TMC1: variants seen among roughly 807,000 people sequenced by gnomAD.
The protein encoded by TMC1 is transmembrane channel like 1, also known as transmembrane channel-like protein 1.
A neutral mutation model predicts 105.8 loss-of-function variants in TMC1; 84 were observed. The ratio of observed to expected loss-of-function variants is 0.79; its 90% confidence interval spans 0.67 to 0.95. The LOEUF is 0.95. TMC1 is among the 40% of genes least tolerant of loss of function. The pLI is 0.00. For synonymous variants in TMC1, 315 were observed against 311.5 expected (o/e 1.01, Z -0.12); for missense variants, 817 against 914.1 (o/e 0.89, Z 1.37).
intron 19 of TMC1, chr9:72,817,415 G>A (rs1287718252): frequency 6.6e-6 from 1 of 152,084 alleles, no homozygotes; most frequent in Non-Finnish European, 1.5e-5. Context: ...AGTCAAGGTG[G>A]CCCGAGGAAC....
intron 1 of TMC1, among the ~76,000 whole-genome samples, chr9:72,556,807 C>T (rs1823949009): frequency 6.6e-6 from 1 of 151,598 alleles, no homozygotes; most frequent in South Asian, 2.1e-4. Context: ...GGAGATAGAG[C>T]GAGACTCTGT....
chr9:72,799,845 A>G (rs1308918232), intron 17 of TMC1, among the ~76,000 whole-genome samples: 2 of 152,148 alleles, frequency 1.3e-5, no homozygotes, highest in Non-Finnish European at 2.9e-5. Context: ...TCAGCTTGAA[A>G]GAATTATTGT....
chr9:72,567,754 A>C (rs1824190869), intron 1 of TMC1, among the ~76,000 whole-genome samples: 1 of 152,176 alleles, frequency 6.6e-6, no homozygotes, highest in African/African-American at 2.4e-5. Context: ...ACAGAGCCAA[A>C]CCATATTAAG....
Position 72,716,833 on chromosome 9 carries a change from G to A in TMC1, c.362+16190G>A, listed in dbSNP as rs530926953. ...TATGAAAAAACAACTCCTGCGGCTA[G>A]CTCTGTGTCTGCCCAAACGGCAGCC... On this transcript the variant is annotated intron_variant, in intron 8 of 23. Transcript: ENST00000297784. Among the ~76,000 whole-genome samples the A allele has an allele frequency of 3.3e-5, 5 of 152,288 alleles. No individual in the cohort carries two copies. The South Asian group carries it at 8.3e-4, about 25-fold the overall frequency.
intron 1 of TMC1, among the ~76,000 whole-genome samples, chr9:72,524,203 A>G (rs1357566399): frequency 6.6e-6 from 1 of 152,216 alleles, no homozygotes; most frequent in Non-Finnish European, 1.5e-5. Context: ...GGGCACTTAA[A>G]AAGATGCATA....
chr9:72,802,027 G>C (rs1019278681), intron 17 of TMC1, among the ~76,000 whole-genome samples: 2 of 152,014 alleles, frequency 1.3e-5, no homozygotes, highest in African/African-American at 4.8e-5. Context: ...TCTAGACCTG[G>C]CAGTAGAAAC....
chr9:72,589,267 A>G (rs1243530399), intron 2 of TMC1, among the ~76,000 whole-genome samples: 1 of 152,290 alleles, frequency 6.6e-6, no homozygotes, highest in African/African-American at 2.4e-5. Flanking sequence ...AAACAAACAA[A>G]CAAAGCCTCA....
chr9:72,792,834 T>G (rs1314665714), intron 17 of TMC1, among the ~76,000 whole-genome samples: 1 of 152,138 alleles, frequency 6.6e-6, no homozygotes, highest in Non-Finnish European at 1.5e-5. Flanking sequence ...TGAGTAAATA[T>G]AGCACCTTCA....
chr9:72,821,124 G>A (rs777007914), intron 20 of TMC1, 43 bp downstream of exon 20: 23 of 1,613,640 alleles, frequency 1.4e-5, no homozygotes, highest in East Asian at 8.9e-5. Flanking sequence ...GTGTTCTTTC[G>A]GGGGTGGAGG....
Position 72,836,791 on chromosome 9 carries a change from A to G in TMC1, c.*818A>G, listed in dbSNP as rs376875105. The G allele has an allele frequency of 6.6e-6, 1 of 152,114 alleles. No homozygotes were observed. The highest frequency in any genetic ancestry group is 1.9e-4 in the East Asian group (1 of 5,180). The allele number at this position is 152,114 out of a possible 1,614,324, so 9.4% of individuals were successfully genotyped here. A position where few individuals can be genotyped will look rare whatever the true frequency, so the allele number is the denominator to read the frequency against. On this transcript the variant is annotated 3_prime_UTR_variant, in exon 24 of 24. Coordinates refer to ENST00000297784, the MANE Select transcript of TMC1 (RefSeq NM_138691.3). Reference sequence around the variant, plus strand: ...TGATCATGTTATCAGTGGTGAATCCATACAGGTCTGCATCAAACTCGATAC... The same window carrying G: ...TGATCATGTTATCAGTGGTGAATCCGTACAGGTCTGCATCAAACTCGATAC...
intron 8 of TMC1, among the ~76,000 whole-genome samples, chr9:72,717,209 A>G (rs905099907): frequency 2.8e-4 from 42 of 152,220 alleles, no homozygotes; most frequent in African/African-American, 1.0e-3. Context: ...TTGTTTTGCC[A>G]TCTTGCCAGC....
chr9:72,837,758 T>C lies in TMC1; in HGVS notation c.*1785T>C, dbSNP rs937386954. 3.9e-5 allele frequency: 6 copies of C among 152,212 alleles called. No homozygotes were observed. The highest frequency in any genetic ancestry group is 7.3e-5 in the Non-Finnish European group (5 of 68,046). The allele number at this position is 152,212 out of a possible 1,614,324, so 9.4% of individuals were successfully genotyped here. On this transcript the variant is annotated 3_prime_UTR_variant, in exon 24 of 24. Transcript: ENST00000297784. ...CTGCAGTTGACTTACTGATTTCTAT[T>C]ATCCTGTCTCTGAGTTTCTCATTCT...
At chr9:72,527,862 A>G (rs759219720) in intron 1 of TMC1, among the ~76,000 whole-genome samples, 8 of 152,010 alleles carry the variant, frequency 5.3e-5, no homozygotes, top group Non-Finnish European at 1.0e-4. Context: ...ACCCTAAACT[A>G]TGGCCTTGTG....
intron 19 of TMC1, 125 bp downstream of exon 19, chr9:72,816,335 A>G (rs2118284891): frequency 1.2e-6 from 1 of 868,080 alleles, no homozygotes; most frequent in Non-Finnish European, 1.9e-6. Flanking sequence ...TTACTTTTGC[A>G]AAGTGGATGC....
At chr9:72,578,329 CAGAG>C (rs36062516) in intron 2 of TMC1, 3 of 150,838 alleles carry the variant, frequency 2.0e-5, no homozygotes, top group Non-Finnish European at 4.4e-5. Flanking sequence ...CCTACGGGGG[CAGAG>C]AGTCTCAAGC....
chr9:72,663,257 G>C (rs903578641), intron 5 of TMC1, among the ~76,000 whole-genome samples: 1 of 152,142 alleles, frequency 6.6e-6, no homozygotes, highest in African/African-American at 2.4e-5. Flanking sequence ...TTGCTTCTTG[G>C]TGGGGCCACA....
At chr9:72,609,179 C>CCCTCCCTTCCTT (rs1461633849) in intron 2 of TMC1, among the ~76,000 whole-genome samples, 23 of 136,166 alleles carry the variant, frequency 1.7e-4, no homozygotes, top group South Asian at 1.4e-3. Flanking sequence ...CTTCCTCCTT[C>CCCTCCCTTCCTT]CCTTCCTTCC....
At chr9:72,712,599 A>G (rs1345346832) in intron 8 of TMC1, among the ~76,000 whole-genome samples, 2 of 152,092 alleles carry the variant, frequency 1.3e-5, no homozygotes, top group East Asian at 3.9e-4. Flanking sequence ...AATACTTGTG[A>G]TTTTTGTACA....
intron 23 of TMC1, 135 bp from the exon 24 acceptor site, chr9:72,835,816 G>A: frequency 1.1e-6 from 1 of 894,374 alleles, no homozygotes. Context: ...GAGCACATTT[G>A]GACAATACAG....
Sources: allele counts gnomAD v4.1 joint callset (sites outside exome capture counted in the v4.1 genomes callset), GRCh38; gene constraint gnomAD v4.1.1; transcripts MANE v1.5; gene names NCBI Gene and HGNC (gene_info 2026-07-23, HGNC 2026-07-21).